Variants in SHC4 observed in about 807,000 individuals in gnomAD.
SHC4 encodes SHC adaptor protein 4, also known as SHC-transforming protein 4.
SHC4 carries 41 observed loss-of-function variants against 69.4 expected under a neutral mutation model. The ratio of observed to expected loss-of-function variants is 0.59; its 90% CI spans 0.46 to 0.77. The LOEUF (loss-of-function observed/expected upper bound fraction) is 0.77, where lower values mean the gene tolerates loss of function less well. Ranked by LOEUF, SHC4 falls within the 30% of genes least tolerant of loss-of-function variation. The pLI is 0.00. For synonymous variants in SHC4, 318 were observed against 299.3 expected (o/e 1.06, Z -0.64); for missense variants, 777 against 783.8 (o/e 0.99, Z 0.10).
intron 10 of SHC4, among the ~76,000 whole-genome samples, chr15:48,838,190 T>C (rs944526670): frequency 3.9e-5 from 6 of 152,176 alleles, no homozygotes; most frequent in Non-Finnish European, 8.8e-5. Flanking sequence ...TAAGGAGGTA[T>C]ACAAGGGGAT....
chr15:48,940,602 T>A (rs1161650526), intron 1 of SHC4, among the ~76,000 whole-genome samples: 1 of 152,222 alleles, frequency 6.6e-6, no homozygotes, highest in Non-Finnish European at 1.5e-5. Context: ...TTACCATGTC[T>A]GGTCAAAGTT....
intron 4 of SHC4, chr15:48,876,551 A>C: frequency 4.5e-6 from 3 of 671,430 alleles, no homozygotes; most frequent in Non-Finnish European, 8.1e-6. Flanking sequence ...AACTCACATG[A>C]TCACAAGGTC....
intron 2 of SHC4, among the ~76,000 whole-genome samples, chr15:48,906,857 C>G (rs1323827547): frequency 6.6e-6 from 1 of 152,134 alleles, no homozygotes; most frequent in Non-Finnish European, 1.5e-5. Context: ...AGCAGATGAA[C>G]TGAAAATTAT....
At chr15:48,962,214 G>C (rs780069223) in intron 1 of SHC4, among the ~76,000 whole-genome samples, 1 of 152,110 alleles carries the variant, frequency 6.6e-6, no homozygotes, top group Admixed American at 6.5e-5. Flanking sequence ...AGTTAGCACC[G>C]GTTCATGTCC....
intron 1 of SHC4, among the ~76,000 whole-genome samples, chr15:48,929,134 A>T (rs1348824140): frequency 2.0e-5 from 3 of 152,170 alleles, no homozygotes; most frequent in Non-Finnish European, 4.4e-5. Context: ...AATCCATTTC[A>T]CTTAAAAAAC....
chr15:48,924,414 C>A (rs999753064), intron 2 of SHC4, among the ~76,000 whole-genome samples: 6 of 152,178 alleles, frequency 3.9e-5, no homozygotes, highest in African/African-American at 1.4e-4. Flanking sequence ...TTCCCTGATT[C>A]CACTGTTCCA....
chr15:48,827,647 A>T (rs1898713577), intron 11 of SHC4, among the ~76,000 whole-genome samples: 2 of 152,132 alleles, frequency 1.3e-5, no homozygotes, highest in African/African-American at 4.8e-5. Flanking sequence ...CCTGTATACA[A>T]GTGTGAAATT....
intron 1 of SHC4, among the ~76,000 whole-genome samples, chr15:48,953,992 G>C (rs570203477): frequency 6.6e-6 from 1 of 152,348 alleles, no homozygotes; most frequent in South Asian, 2.1e-4. Flanking sequence ...AAGTGGCTTA[G>C]ATTCGATTTA....
intron 11 of SHC4, among the ~76,000 whole-genome samples, chr15:48,827,940 A>C (rs1898719430): frequency 6.6e-6 from 1 of 152,086 alleles, no homozygotes; most frequent in African/African-American, 2.4e-5. Flanking sequence ...AACACAGCCC[A>C]CTGTACCTTA....
At chr15:48,858,163 T>C (rs951114980) in intron 6 of SHC4, among the ~76,000 whole-genome samples, 2 of 151,822 alleles carry the variant, frequency 1.3e-5, no homozygotes, top group Non-Finnish European at 1.5e-5. Flanking sequence ...CTTAGGGCAC[T>C]AATCTACACA....
rs1284965882 is a variant in SHC4 at position 48,839,693 on chromosome 15, T to C, written c.1483+3716A>G. Among the ~76,000 whole-genome samples the C allele has an allele frequency of 2.0e-5, 3 of 152,190 alleles. No homozygotes were observed. In the East Asian group the frequency reaches 5.8e-4, roughly 29 times the overall value. ...TACCTTATTACTTTTCCCCCGCTAA[T>C]TTGGGGTATGGAGGGTGGCAGACAA... On this transcript the variant is annotated intron_variant, in intron 10 of 11. Transcript: ENST00000332408.
chr15:48,891,878 G>A (rs1239900791), intron 2 of SHC4, among the ~76,000 whole-genome samples: 1 of 151,586 alleles, frequency 6.6e-6, no homozygotes, highest in Non-Finnish European at 1.5e-5. Context: ...GTTTTGAGAC[G>A]GAGTCTCGCT....
At chr15:48,957,995 T>G (rs12907355) in intron 1 of SHC4, among the ~76,000 whole-genome samples, 53,034 of 152,104 alleles carry the variant, frequency 0.35, 10,516 homozygotes, top group East Asian at 0.57. Flanking sequence ...CTAAGATTCC[T>G]CCCCTAGAGC....
chr15:48,826,199 G>C, intron 11 of SHC4, 73 bp from the exon 12 acceptor site: 1 of 1,372,768 alleles, frequency 7.3e-7, no homozygotes, highest in Non-Finnish European at 9.8e-7. Context: ...TAATAAGGGG[G>C]AAAATGCCAG....
rs916868541 is a variant in SHC4, at chr15:48,963,073, A to G, written c.-58T>C. 12 of 1,524,228 alleles carry G rather than the reference A, an allele frequency of 7.9e-6. No individual in the cohort carries two copies. The highest frequency in any genetic ancestry group is 5.6e-5 in the Admixed American group (3 of 53,202). 94.4% of individuals were successfully genotyped at this position (1,524,228 alleles called of 1,614,324 possible). ...CATAAATCGCCTCGTCGTCTGGTAG[A>G]TAAACGGTGCAGACATCAGATACCT... On this transcript the variant is annotated 5_prime_UTR_variant, in exon 1 of 12. Coordinates refer to ENST00000332408, the MANE Select transcript of SHC4 (RefSeq NM_203349.4).
intron 11 of SHC4, among the ~76,000 whole-genome samples, chr15:48,833,740 C>A (rs1367641283): frequency 6.6e-6 from 1 of 152,178 alleles, no homozygotes; most frequent in Admixed American, 6.5e-5. Flanking sequence ...TCTCCTCTTT[C>A]CCCCATTCCC....
chr15:48,876,509 A>G (rs1416547513), intron 4 of SHC4: 16 of 579,058 alleles, frequency 2.8e-5, no homozygotes, highest in Admixed American at 5.5e-5. Flanking sequence ...ATATATATGT[A>G]TATATATGTA....
intron 2 of SHC4, among the ~76,000 whole-genome samples, chr15:48,893,938 C>T (rs1333156198): frequency 1.3e-5 from 2 of 152,180 alleles, no homozygotes; most frequent in Non-Finnish European, 1.5e-5. Context: ...GGTGACAGAG[C>T]GAGGCCCTGC....
At chr15:48,859,448 T>C (rs1182486778) in intron 6 of SHC4, among the ~76,000 whole-genome samples, 1 of 152,046 alleles carries the variant, frequency 6.6e-6, no homozygotes, top group Non-Finnish European at 1.5e-5. Context: ...GAAATAGACT[T>C]AGGAGCTAAT....
Sources: gnomAD v4.1 joint callset for allele counts (sites outside exome capture counted in the v4.1 genomes callset) on GRCh38, gnomAD v4.1.1 for gene constraint, MANE v1.5 for transcripts, NCBI Gene and HGNC (gene_info 2026-07-23, HGNC 2026-07-21) for gene names.